CNTNAP2: variants seen among roughly 807,000 people sequenced by gnomAD.
The protein encoded by CNTNAP2 is contactin associated protein 2.
In CNTNAP2, 98 loss-of-function variants were observed where a neutral mutation model predicts 155.2. That is an observed-to-expected ratio of 0.63 (90% CI 0.54 to 0.75). The LOEUF is 0.75. Among genes scored for constraint, CNTNAP2 ranks in the 30% least tolerant of loss-of-function variants. The pLI, the probability that CNTNAP2 is intolerant of heterozygous loss-of-function variation, is 0.00. For synonymous variants in CNTNAP2, 651 were observed against 631.2 expected (o/e 1.03, Z -0.47); for missense variants, 1,727 against 1,688.1 (o/e 1.02, Z -0.40).
chr7:148,211,221 T>C (rs1449332325), intron 18 of CNTNAP2, among the ~76,000 whole-genome samples: 1 of 152,242 alleles, frequency 6.6e-6, no homozygotes, highest in African/African-American at 2.4e-5. Flanking sequence ...TCCTCTAGCA[T>C]GGTTCTGGCT....
chr7:146,787,924 CT>C (rs1802604527), intron 2 of CNTNAP2, among the ~76,000 whole-genome samples: 1 of 152,182 alleles, frequency 6.6e-6, no homozygotes, highest in Admixed American at 6.5e-5. Flanking sequence ...GTTCACAGTC[CT>C]TTAGCTAGAC....
At chr7:147,952,421 G>A (rs1300669554) in intron 14 of CNTNAP2, among the ~76,000 whole-genome samples, 2 of 151,746 alleles carry the variant, frequency 1.3e-5, no homozygotes, top group South Asian at 2.1e-4. Flanking sequence ...CAGGCAGGGC[G>A]AGAAGAGTGA....
Position 148,214,470 on chromosome 7 carries a change from A to T in CNTNAP2, c.3011-2818A>T, listed in dbSNP as rs147371773. 3.3e-5 allele frequency among the ~76,000 whole-genome samples: 5 copies of T among 152,390 alleles called. No homozygotes were observed. In the East Asian group the frequency reaches 9.6e-4, roughly 29 times the overall value. On this transcript the variant is annotated intron_variant, in intron 18 of 23. Transcript: ENST00000361727. ...ATTTTGTTCATCTTCACACTTCAGT[A>T]AGTCAGGCAGCAATGAGCATGGATT...
intron 3 of CNTNAP2, among the ~76,000 whole-genome samples, chr7:146,987,834 T>C (rs972012667): frequency 1.3e-5 from 2 of 152,134 alleles, no homozygotes; most frequent in African/African-American, 2.4e-5. Context: ...TATTGTTCAG[T>C]ACAATGGTTA....
chr7:147,886,411 G>C (rs2116723959), intron 13 of CNTNAP2, among the ~76,000 whole-genome samples: 1 of 138,422 alleles, frequency 7.2e-6, no homozygotes, highest in Non-Finnish European at 1.5e-5. Flanking sequence ...GGAGGCAGAG[G>C]TTGCAGTGAG....
chr7:148,185,399 A>G (rs1399702216), intron 18 of CNTNAP2, among the ~76,000 whole-genome samples: 1 of 152,254 alleles, frequency 6.6e-6, no homozygotes, highest in Non-Finnish European at 1.5e-5. Flanking sequence ...TGAGATCGTT[A>G]GCAAATCATG....
At chr7:147,636,490 T>C (rs145522239) in intron 12 of CNTNAP2, among the ~76,000 whole-genome samples, 22 of 152,318 alleles carry the variant, frequency 1.4e-4, no homozygotes, top group African/African-American at 5.3e-4. Context: ...GTTTGTTACA[T>C]AGATATACAT....
chr7:146,204,529 G>T (rs1798917181), intron 1 of CNTNAP2, among the ~76,000 whole-genome samples: 1 of 151,984 alleles, frequency 6.6e-6, no homozygotes, highest in Non-Finnish European at 1.5e-5. Flanking sequence ...ACAGTAGAAA[G>T]GTTATGAAAA....
intron 1 of CNTNAP2, among the ~76,000 whole-genome samples, chr7:146,297,977 T>C (rs1584854951): frequency 6.6e-6 from 1 of 152,124 alleles, no homozygotes; most frequent in Non-Finnish European, 1.5e-5. Context: ...AATACTCTGG[T>C]AAGTTTCTTG....
intron 4 of CNTNAP2, among the ~76,000 whole-genome samples, chr7:147,086,860 AG>A (rs1800289844): frequency 6.6e-6 from 1 of 152,348 alleles, no homozygotes; most frequent in Admixed American, 6.5e-5. Flanking sequence ...TTATTGTCAA[AG>A]CAAAACAAGA....
intron 1 of CNTNAP2, among the ~76,000 whole-genome samples, chr7:146,571,754 C>T (rs566631423): frequency 9.2e-4 from 137 of 148,130 alleles, no homozygotes; most frequent in African/African-American, 3.1e-3. Flanking sequence ...TTTTTTGAGA[C>T]GCAGTCTCAA....
At chr7:146,260,235 T>G (rs1799900486) in intron 1 of CNTNAP2, among the ~76,000 whole-genome samples, 1 of 152,230 alleles carries the variant, frequency 6.6e-6, no homozygotes, top group Non-Finnish European at 1.5e-5. Context: ...GGCAGAAATT[T>G]ACTTCATGGG....
intron 14 of CNTNAP2, among the ~76,000 whole-genome samples, chr7:147,955,774 A>G (rs1801009042): frequency 6.6e-6 from 1 of 152,176 alleles, no homozygotes. Context: ...TGAGATATGG[A>G]CAAAAGAGCA....
intron 4 of CNTNAP2, among the ~76,000 whole-genome samples, chr7:147,083,926 CATGT>C (rs1262357784): frequency 1.5e-5 from 2 of 136,044 alleles, no homozygotes; most frequent in African/African-American, 5.3e-5. Context: ...TACATATACA[CATGT>C]ATGTATATAT....
At chr7:147,107,374 C>T (rs1316870530) in intron 4 of CNTNAP2, among the ~76,000 whole-genome samples, 1 of 152,048 alleles carries the variant, frequency 6.6e-6, no homozygotes, top group East Asian at 1.9e-4. Flanking sequence ...TACATACTTT[C>T]CTTATTTTAA....
chr7:147,615,379 G>C (rs984470789), intron 12 of CNTNAP2, among the ~76,000 whole-genome samples: 1 of 150,058 alleles, frequency 6.7e-6, no homozygotes, highest in African/African-American at 2.5e-5. Context: ...ACGTTGGGTG[G>C]CTGAGGCAGG....
chr7:146,192,437 C>T (rs976283126), intron 1 of CNTNAP2, among the ~76,000 whole-genome samples: 6 of 152,182 alleles, frequency 3.9e-5, no homozygotes, highest in African/African-American at 1.2e-4. Flanking sequence ...AATGAACTCA[C>T]AGTTCAGCAT....
At chr7:147,733,891 C>T (rs1796790641) in intron 13 of CNTNAP2, among the ~76,000 whole-genome samples, 1 of 152,162 alleles carries the variant, frequency 6.6e-6, no homozygotes, top group African/African-American at 2.4e-5. Context: ...GCTGAAATTG[C>T]TTATCAGCTT....
At chr7:146,532,813 G>C (rs938498969) in intron 1 of CNTNAP2, among the ~76,000 whole-genome samples, 1 of 152,046 alleles carries the variant, frequency 6.6e-6, no homozygotes, top group Non-Finnish European at 1.5e-5. Context: ...GGCCAGGCGT[G>C]GTGGATCAGG....
Sources: allele counts gnomAD v4.1 joint callset (sites outside exome capture counted in the v4.1 genomes callset), GRCh38; gene constraint gnomAD v4.1.1; transcripts MANE v1.5; gene names NCBI Gene and HGNC (gene_info 2026-07-23, HGNC 2026-07-21).